The following YJU2 variants were observed in gnomAD, a reference collection of about 807,000 sequenced individuals.
YJU2 encodes the protein splicing factor YJU2.
In YJU2, 28 loss-of-function variants were observed where a neutral mutation model predicts 39.6. That is an observed-to-expected ratio of 0.71 (90% CI 0.52 to 0.97). YJU2 has a LOEUF of 0.97. Ranked by LOEUF, YJU2 falls within the 50% of genes least tolerant of loss-of-function variation. The pLI is 0.00. For missense variants in YJU2, 328 were observed against 430.4 expected, an observed-to-expected ratio of 0.76 and a Z score of 2.11; for synonymous variants, 184 against 182.4, an observed-to-expected ratio of 1.01 and a Z score of -0.07.
At chr19:4,249,405 G>A (rs1488111040) in intron 2 of YJU2, 77 bp downstream of exon 2, 6 of 933,310 alleles carry the variant, frequency 6.4e-6, no homozygotes, top group Non-Finnish European at 1.0e-5. Flanking sequence ...GAGGTGACTC[G>A]TCCGGTGTTA....
In YJU2 at chr19:4,247,744, T is replaced by G. The variant is rs74488806; in HGVS notation, c.24+574T>G. 7.7e-3 allele frequency among the ~76,000 whole-genome samples: 1,153 copies of G among 149,104 alleles called. 55 individuals are homozygous for G. In the East Asian group the frequency reaches 0.14, roughly 18 times the overall value. ...CTGGTCATGCAGATAACCTCTGCCT[T>G]ACAGTGGCCAAGATTTTACTGGGGT... On this transcript the variant is annotated intron_variant, in intron 1 of 7. Transcript: ENST00000262962.
chr19:4,259,441 G>A (rs1306856188), intron 5 of YJU2, among the ~76,000 whole-genome samples: 1 of 152,026 alleles, frequency 6.6e-6, no homozygotes, highest in Non-Finnish European at 1.5e-5. Context: ...GTGCAGTAGT[G>A]CAGTCATAGC....
intron 5 of YJU2, 89 bp downstream of exon 5, chr19:4,258,512 T>C: frequency 1.4e-6 from 2 of 1,478,212 alleles, no homozygotes; most frequent in Non-Finnish European, 1.8e-6. Flanking sequence ...CCCCGCTCTC[T>C]GGAGTGTCGC....
rs546345058 is a variant in YJU2 at position 4,258,631 on chromosome 19, G to A, written c.587+208G>A. 1.3e-4 allele frequency among the ~76,000 whole-genome samples: 20 copies of A among 152,360 alleles called. No homozygotes were observed. The South Asian group carries it at 2.5e-3, about 19-fold the overall frequency. ...ACGGTGACTTAGCACGTGGTCGCCC[G>A]CATGGCTGCGGTTTGTCACAGCGAG... On this transcript the variant is annotated intron_variant, in intron 5 of 7. Coordinates refer to ENST00000262962, the MANE Select transcript of YJU2 (RefSeq NM_018074.6).
Position 4,247,183 on chromosome 19 carries a change from C to T in YJU2, c.24+13C>T, listed in dbSNP as rs150828443. The stretch of plus-strand genomic sequence containing the variant: ...AAAAGTATTAAACGTAAGTGTTGGG[C>T]GACTGGGGCTTTTCAATCGGAGCAG... On this transcript the variant is annotated intron_variant, in intron 1 of 7. Coordinates refer to ENST00000262962, the MANE Select transcript of YJU2 (RefSeq NM_018074.6). 9 of 1,612,484 alleles carry T rather than the reference C, an allele frequency of 5.6e-6. No homozygotes were observed. In the African/African-American group the frequency reaches 1.1e-4, roughly 19 times the overall value.
At chr19:4,264,739 G>A (rs1031417006) in intron 6 of YJU2, among the ~76,000 whole-genome samples, 2 of 151,836 alleles carry the variant, frequency 1.3e-5, no homozygotes, top group Admixed American at 6.6e-5. Context: ...CACCTGACTC[G>A]GCCGCCCAAA....
intron 5 of YJU2, 67 bp from the exon 6 acceptor site, chr19:4,261,927 A>G: frequency 6.4e-7 from 1 of 1,557,832 alleles, no homozygotes; most frequent in Non-Finnish European, 8.7e-7. Context: ...TCGCCACCCC[A>G]GCAGGTACAT....
intron 5 of YJU2, among the ~76,000 whole-genome samples, chr19:4,259,207 T>C (rs368550204): frequency 5.6e-5 from 8 of 143,994 alleles, no homozygotes; most frequent in South Asian, 2.3e-4. Flanking sequence ...GCCTCCCGAG[T>C]AGCTGGGATT....
intron 2 of YJU2, among the ~76,000 whole-genome samples, chr19:4,250,307 C>T (rs1970965175): frequency 6.6e-6 from 1 of 152,126 alleles, no homozygotes. Flanking sequence ...ATTCAACACT[C>T]ATTTATTGGG....
intron 4 of YJU2, among the ~76,000 whole-genome samples, chr19:4,257,181 T>C (rs1227275875): frequency 1.3e-5 from 2 of 152,116 alleles, no homozygotes; most frequent in African/African-American, 4.8e-5. Context: ...TCAGCCTCAG[T>C]TTCCGTTTCT....
At chr19:4,247,697 G>T (rs1970941907) in intron 1 of YJU2, among the ~76,000 whole-genome samples, 1 of 138,926 alleles carries the variant, frequency 7.2e-6, no homozygotes, top group East Asian at 2.2e-4. Flanking sequence ...GTGTGTGTGT[G>T]TTTTGTTTTT....
At chr19:4,259,253 TA>T (rs767925284) in intron 5 of YJU2, among the ~76,000 whole-genome samples, 4 of 151,572 alleles carry the variant, frequency 2.6e-5, no homozygotes, top group Admixed American at 6.6e-5. Flanking sequence ...TAATTTTTTG[TA>T]ATTTTTAGTA....
At chr19:4,267,153 G>C (rs773719341) in intron 6 of YJU2, among the ~76,000 whole-genome samples, 1 of 152,136 alleles carries the variant, frequency 6.6e-6, no homozygotes, top group Non-Finnish European at 1.5e-5. Flanking sequence ...GCCAGCAGTG[G>C]GGAAGACAGG....
intron 6 of YJU2, among the ~76,000 whole-genome samples, chr19:4,264,560 C>G (rs1229667570): frequency 8.6e-5 from 13 of 151,232 alleles, no homozygotes; most frequent in Admixed American, 4.6e-4. Flanking sequence ...GATCTTGGCT[C>G]ACTGCAACCT....
chr19:4,265,123 C>T (rs1452236069), intron 6 of YJU2, among the ~76,000 whole-genome samples: 2 of 152,094 alleles, frequency 1.3e-5, no homozygotes, highest in African/African-American at 2.4e-5. Flanking sequence ...AGTCTTGTGC[C>T]TCTACCTGAT....
chr19:4,256,671 G>T (rs1371773998), intron 4 of YJU2, among the ~76,000 whole-genome samples: 1 of 152,196 alleles, frequency 6.6e-6, no homozygotes, highest in Non-Finnish European at 1.5e-5. Context: ...CTCCCATGAG[G>T]TTGCAGTCAA....
In YJU2 at chr19:4,268,983, T is replaced by C. The variant is rs961337930; in HGVS notation, c.*287T>C. The C allele has an allele frequency of 2.4e-6, 1 of 413,920 alleles. No homozygotes were observed. Among genetic ancestry groups the C allele is most frequent in the Non-Finnish European group, 4.4e-6 (1 of 224,868 alleles). The allele number at this position is 413,920 out of a possible 1,614,324, so 25.6% of individuals were successfully genotyped here. ...TCCCTGGAGCAGCTTCCAACACTACTTCAGGGTGGCAGTGTTTGGGGCACT... is the reference window on the plus strand; with the variant it reads ...TCCCTGGAGCAGCTTCCAACACTACCTCAGGGTGGCAGTGTTTGGGGCACT... On this transcript the variant is annotated 3_prime_UTR_variant, in exon 8 of 8. Transcript: ENST00000262962.
intron 4 of YJU2, among the ~76,000 whole-genome samples, chr19:4,255,867 C>T (rs185239302): frequency 3.4e-4 from 51 of 151,900 alleles, no homozygotes; most frequent in Middle Eastern, 3.4e-3. Flanking sequence ...ATTAACCAGG[C>T]GTGGTGGCAC....
chr19:4,258,463 C>T, intron 5 of YJU2, 40 bp downstream of exon 5: 1 of 1,545,008 alleles, frequency 6.5e-7, no homozygotes, highest in Non-Finnish European at 8.7e-7. Context: ...ACCTCGCAGC[C>T]TCTGCCCCGG....
Sources: gnomAD v4.1 joint callset for allele counts (sites outside exome capture counted in the v4.1 genomes callset) on GRCh38, gnomAD v4.1.1 for gene constraint, MANE v1.5 for transcripts, NCBI Gene and HGNC (gene_info 2026-07-23, HGNC 2026-07-21) for gene names.